Variants in SLC12A1 observed in about 807,000 individuals in gnomAD.
SLC12A1 encodes the protein solute carrier family 12 member 1.
In SLC12A1, 89 loss-of-function variants were observed where a neutral mutation model predicts 130.4. That is an observed-to-expected ratio of 0.68 (90% CI 0.58 to 0.81). The LOEUF is 0.81. SLC12A1 is among the 40% of genes least tolerant of loss of function. The pLI is 0.00. For missense variants in SLC12A1, 1,310 were observed against 1,336.4 expected (o/e 0.98, Z 0.31); for synonymous variants, 499 against 460.0 (o/e 1.08, Z -1.09).
At chr15:48,267,765 G>T in intron 18 of SLC12A1, 64 bp downstream of exon 18, 1 of 1,566,644 alleles carries the variant, frequency 6.4e-7, no homozygotes, top group Non-Finnish European at 8.7e-7. Context: ...TGTTAATAAG[G>T]CTCCCAAAGT....
Position 48,251,727 on chromosome 15 carries a change from C to T in SLC12A1, c.1899C>T (p.Val633=). The T allele has an allele frequency of 6.2e-7, 1 of 1,613,872 alleles. No individual in the cohort carries two copies. Among genetic ancestry groups the T allele is most frequent in the South Asian group, 1.1e-5 (1 of 91,072 alleles). ...INWWAAVITY[V]IEFFLYVYVT... The stretch of plus-strand genomic sequence containing the variant: ...GGTGGGCAGCTGTCATCACCTATGT[C>T]ATTGAATTCTTCCTTTACGTCTATG... The change falls in exon 15 of 27, where the codon GTC becomes GTT. Residue 633 remains valine, a synonymous_variant. Coordinates refer to ENST00000380993, the MANE Select transcript of SLC12A1 (RefSeq NM_000338.3).
chr15:48,243,637 G>C (rs1046982922), intron 10 of SLC12A1, among the ~76,000 whole-genome samples: 4 of 152,192 alleles, frequency 2.6e-5, no homozygotes, highest in Admixed American at 6.5e-5. Context: ...CTGGGTGACA[G>C]AGCGAGACTC....
intron 12 of SLC12A1, 28 bp downstream of exon 12, chr15:48,247,044 C>A (rs911122064): frequency 2.7e-6 from 4 of 1,457,294 alleles, no homozygotes; most frequent in Non-Finnish European, 2.9e-6. Context: ...GCTTGTGCTT[C>A]TCCCTATTGC....
intron 24 of SLC12A1, among the ~76,000 whole-genome samples, chr15:48,294,842 A>G (rs1439243372): frequency 6.6e-6 from 1 of 152,068 alleles, no homozygotes; most frequent in African/African-American, 2.4e-5. Flanking sequence ...CTGACTTAGG[A>G]TTTCCTATAA....
intron 10 of SLC12A1, among the ~76,000 whole-genome samples, chr15:48,243,364 G>A (rs771166677): frequency 6.6e-6 from 1 of 152,044 alleles, no homozygotes; most frequent in Non-Finnish European, 1.5e-5. Flanking sequence ...TCAGATAAAA[G>A]AGTCTATAAT....
chr15:48,246,782 A>AAACAAC (rs10679509), intron 11 of SLC12A1, 127 bp from the exon 12 acceptor site: 27 of 692,022 alleles, frequency 3.9e-5, no homozygotes, highest in South Asian at 1.7e-4. Flanking sequence ...TGTCTCAAAC[A>AAACAAC]AACAACAACA....
intron 23 of SLC12A1, among the ~76,000 whole-genome samples, chr15:48,290,537 C>T (rs1024469622): frequency 2.6e-5 from 4 of 152,150 alleles, no homozygotes; most frequent in Admixed American, 1.3e-4. Flanking sequence ...TTTACACCAG[C>T]ATCATCACAA....
intron 20 of SLC12A1, among the ~76,000 whole-genome samples, chr15:48,276,329 G>A (rs2041953290): frequency 6.6e-6 from 1 of 152,134 alleles, no homozygotes; most frequent in Non-Finnish European, 1.5e-5. Flanking sequence ...AGATGTTATG[G>A]GCTGAACTGT....
intron 2 of SLC12A1, among the ~76,000 whole-genome samples, chr15:48,219,785 G>T (rs2041176742): frequency 6.6e-6 from 1 of 152,034 alleles, no homozygotes; most frequent in African/African-American, 2.4e-5. Context: ...GGGCGCGGTG[G>T]CTCACACCTC....
intron 17 of SLC12A1, among the ~76,000 whole-genome samples, chr15:48,262,494 C>T (rs1053374592): frequency 5.3e-5 from 8 of 152,100 alleles, no homozygotes; most frequent in South Asian, 4.2e-4. Context: ...CCCAAGCACC[C>T]GCTGTGGCCT....
At chr15:48,288,798 C>A (rs565601751) in intron 23 of SLC12A1, among the ~76,000 whole-genome samples, 196 of 152,318 alleles carry the variant, frequency 1.3e-3, no homozygotes, top group African/African-American at 4.6e-3. Flanking sequence ...TTCGTTATCT[C>A]ATATAATGCT....
At chr15:48,238,234 G>C (rs1399768196) in intron 9 of SLC12A1, among the ~76,000 whole-genome samples, 1 of 152,124 alleles carries the variant, frequency 6.6e-6, no homozygotes, top group Admixed American at 6.5e-5. Context: ...ATGAGGAAAG[G>C]AAGCTCACAT....
chr15:48,285,298 T>C (rs767436774), intron 21 of SLC12A1, 49 bp downstream of exon 21: 5 of 1,579,950 alleles, frequency 3.2e-6, no homozygotes, highest in Non-Finnish European at 4.3e-6. Context: ...TGAGTCACTA[T>C]TTGAGCATCT....
intron 25 of SLC12A1, among the ~76,000 whole-genome samples, chr15:48,300,983 G>T (rs994977457): frequency 1.3e-5 from 2 of 152,312 alleles, no homozygotes; most frequent in South Asian, 2.1e-4. Context: ...CCCATGGCAG[G>T]TTCATGAGGC....
intron 24 of SLC12A1, among the ~76,000 whole-genome samples, chr15:48,298,794 T>C (rs1388982876): frequency 1.3e-5 from 2 of 152,248 alleles, no homozygotes; most frequent in African/African-American, 4.8e-5. Flanking sequence ...ATTACAACTA[T>C]GTCTTCGACT....
chr15:48,232,363 G>A (rs567787957), intron 7 of SLC12A1, among the ~76,000 whole-genome samples: 1 of 152,292 alleles, frequency 6.6e-6, no homozygotes, highest in South Asian at 2.1e-4. Flanking sequence ...ACCCATAAGT[G>A]CTCTGCTGAA....
chr15:48,253,564 T>A lies in SLC12A1; in HGVS notation c.1942+1794T>A, dbSNP rs1474658316. On this transcript the variant is annotated intron_variant, in intron 15 of 26. Transcript: ENST00000380993. ...AGTAGTATTCTATTGTATGAATACA[T>A]CACATATATTTTTAAATTCTGTTCA... is the stretch of plus-strand genomic sequence containing the variant. Among the ~76,000 whole-genome samples, 4 of 152,246 alleles carry A rather than the reference T, an allele frequency of 2.6e-5. No homozygotes were observed. In the East Asian group the frequency reaches 7.7e-4, roughly 29 times the overall value.
chr15:48,227,389 A>G (rs977952130), intron 5 of SLC12A1: 3 of 578,978 alleles, frequency 5.2e-6, no homozygotes, highest in Non-Finnish European at 6.2e-6. Context: ...ACATGTTTAT[A>G]AAGTGGAGAG....
Position 48,207,956 on chromosome 15 carries a change from T to C in SLC12A1, c.237T>C (p.Thr79=). ...ACAATTTCCTCCAAAGTGGAGAAAC[T>C]GCTAAAACAGATGCCAGTTTTCACG... ...CYDNFLQSGE[T]AKTDASFHAY... is the part of the protein sequence containing the mutation. The change falls in exon 2 of 27, where the codon ACT becomes ACC. Residue 79 remains threonine (T), a synonymous_variant. Coordinates refer to ENST00000380993, the MANE Select transcript of SLC12A1 (RefSeq NM_000338.3). 1 of 1,614,008 alleles carries C rather than the reference T, an allele frequency of 6.2e-7. No homozygotes were observed.
Sources: allele counts gnomAD v4.1 joint callset (sites outside exome capture counted in the v4.1 genomes callset), GRCh38; gene constraint gnomAD v4.1.1; transcripts MANE v1.5; gene names NCBI Gene and HGNC (gene_info 2026-07-23, HGNC 2026-07-21).